Variants in ACOT9 observed in about 807,000 individuals in gnomAD.
ACOT9 encodes acyl-CoA thioesterase 9.
A neutral mutation model predicts 39.7 loss-of-function variants in ACOT9; 34 were observed. The observed-to-expected ratio is 0.86, with a 90% CI of 0.65 to 1.14. ACOT9 has a LOEUF of 1.14. Ranked by LOEUF, ACOT9 falls within the 50% of genes most tolerant of loss-of-function variation. The pLI is 0.00. For synonymous variants in ACOT9, 110 were observed against 120.5 expected, an observed-to-expected ratio of 0.91 and a Z score of 0.57; for missense variants, 313 against 344.1, an observed-to-expected ratio of 0.91 and a Z score of 0.71.
At chrX:23,734,770 GA>G in intron 2 of ACOT9, among the ~76,000 whole-genome samples, 1 of 109,901 alleles carries the variant, frequency 9.1e-6, no homozygotes, top group South Asian at 3.8e-4. Flanking sequence ...GGTGAATCAT[GA>G]GGTCAGGAGT....
chrX:23,739,831 T>C (rs780407230), intron 1 of ACOT9, among the ~76,000 whole-genome samples: 1 of 110,280 alleles, frequency 9.1e-6, no homozygotes, highest in Non-Finnish European at 1.9e-5. Flanking sequence ...AGCCAGGCAC[T>C]ATCACGGACC....
intron 1 of ACOT9, among the ~76,000 whole-genome samples, chrX:23,737,918 G>T (rs1199365194): frequency 9.7e-6 from 1 of 103,456 alleles, no homozygotes; most frequent in Non-Finnish European, 2.0e-5. Context: ...GCCCAGGCTG[G>T]AGTGCAGTGG....
At chrX:23,706,902 T>C in intron 10 of ACOT9, 163 bp from the exon 11 acceptor site, 1 of 405,720 alleles carries the variant, frequency 2.5e-6, no homozygotes. Context: ...TGGTTCCACA[T>C]GGAAATTATA....
rs940501224 is a variant in ACOT9 at position 23,703,029 on chromosome X, C to T, written c.*865G>A. On this transcript the variant is annotated 3_prime_UTR_variant, in exon 16 of 16. Transcript: ENST00000379303. The stretch of plus-strand genomic sequence containing the variant: ...TCCTGTATTTCCTTATCTAGATCAT[C>T]TCTAAACACCTTCTAATGGTATGGT... 2 of 112,392 alleles carry T rather than the reference C, an allele frequency of 1.8e-5. No homozygotes were observed. The highest frequency in any genetic ancestry group is 3.8e-5 in the Non-Finnish European group (2 of 53,318). 9.3% of individuals were successfully genotyped at this position (112,392 alleles called of 1,213,427 possible).
At chrX:23,719,249 G>A (rs1929202978) in intron 8 of ACOT9, among the ~76,000 whole-genome samples, 1 of 112,052 alleles carries the variant, frequency 8.9e-6, no homozygotes, top group South Asian at 3.7e-4. Context: ...CAGCCTGGGA[G>A]ACAGAGTGAC....
chrX:23,730,340 G>C (rs977738699), intron 6 of ACOT9, among the ~76,000 whole-genome samples, 187 bp downstream of exon 6: 2 of 110,391 alleles, frequency 1.8e-5, no homozygotes, highest in Non-Finnish European at 3.8e-5. Flanking sequence ...TGATCCGCCC[G>C]CCTCAGCCTC....
intron 9 of ACOT9, 106 bp from the exon 10 acceptor site, chrX:23,708,050 G>A (rs1184463867): frequency 1.4e-6 from 1 of 716,271 alleles, no homozygotes; most frequent in Non-Finnish European, 2.0e-6. Context: ...TTTTCATTTT[G>A]GGTAGTGCTT....
intron 7 of ACOT9, 50 bp from the exon 8 acceptor site, chrX:23,722,034 T>G: frequency 1.1e-6 from 1 of 896,537 alleles, no homozygotes; most frequent in Non-Finnish European, 1.6e-6. Context: ...AAATTTTCTG[T>G]TCTGTAAATA....
rs1225854366 is a variant in ACOT9 at position 23,721,976 on chromosome X, T to C, written c.493A>G (p.Lys165Glu). Residue 165 changes from lysine to glutamate, a missense_variant, in exon 8 of 16, where the codon AAG (lysine) becomes GAG (glutamate). Coordinates refer to ENST00000379303, the MANE Select transcript of ACOT9 (RefSeq NM_001037171.2). ...TALVDKIDMC[K>E]KSLSPEQDIK... ...TCCTGTTCTGGGCTCAAGCTCTTCT[T>C]ACACATATCTGCAAAACAGAAGTCA... The C allele has an allele frequency of 2.5e-6, 3 of 1,203,379 alleles. No homozygotes were observed. The highest frequency in any genetic ancestry group is 3.4e-6 in the Non-Finnish European group (3 of 890,212).
At chrX:23,714,985 G>T (rs1448944359) in intron 8 of ACOT9, among the ~76,000 whole-genome samples, 1 of 111,305 alleles carries the variant, frequency 9.0e-6, no homozygotes. Flanking sequence ...AATGACAGAA[G>T]TTATTTATAA....
chrX:23,730,239 G>A (rs1569196883), intron 6 of ACOT9, among the ~76,000 whole-genome samples: 1 of 107,983 alleles, frequency 9.3e-6, no homozygotes, highest in East Asian at 2.9e-4. Context: ...GGATTACGGC[G>A]CCCACCAACA....
At position 23,701,409 on chromosome X, in the gene ACOT9, C is replaced by T. The variant is rs1300415861; in HGVS notation, c.*2485G>A. Among the ~76,000 whole-genome samples, 2 of 111,372 alleles carry T rather than the reference C, an allele frequency of 1.8e-5. No individual in the cohort carries two copies. Among genetic ancestry groups the T allele is most frequent in the Non-Finnish European group, 3.8e-5 (2 of 53,115 alleles). On this transcript the variant is annotated 3_prime_UTR_variant, in exon 16 of 16. Transcript: ENST00000379303. ...CATGCTTCCAAGAGATAGTTGTGTT[C>T]GCTCCTGTGACTATTTCATGCCAGA...
At position 23,705,073 on chromosome X, in the gene ACOT9, G is replaced by A. The variant is rs767212027; in HGVS notation, c.1027C>T (p.Arg343Ter). The stretch of plus-strand genomic sequence containing the variant: ...TCATCTACTGCTACCACAAACGGTC[G>A]AGAACCACTGTTGGGGGAAAGGACA... ...WATACSFGGS[R>*]PFVVAVDDIM... The change falls in exon 14 of 16, where the codon CGA becomes TGA. Residue 343 changes from arginine to a stop codon, truncating the protein, a stop_gained. Transcript: ENST00000379303. LOFTEE classifies it high-confidence loss of function. The A allele has an allele frequency of 5.8e-6, 7 of 1,209,599 alleles. No homozygotes were observed. The highest frequency in any genetic ancestry group is 3.0e-5 in the East Asian group (1 of 33,839).
rs567506307 is a variant in ACOT9 at position 23,708,538 on chromosome X, GA to G, written c.663-595del. 9.0e-3 allele frequency among the ~76,000 whole-genome samples: 639 copies of G among 70,819 alleles called. 2 individuals are homozygous for G. The highest frequency in any genetic ancestry group is 0.029 in the African/African-American group (513 of 17,777). 61.5% of individuals were successfully genotyped at this position (70,819 alleles called of 115,157 possible). A position where few individuals can be genotyped will look rare whatever the true frequency, so the allele number is the denominator to read the frequency against. On this transcript the variant is annotated intron_variant, in intron 9 of 15. Transcript: ENST00000379303. ...AGAGCGAAACTCTGTCTCAAAAAAA[GA>G]AAAAAAAAAAAAAAAGAAAAAGAAA...
chrX:23,739,846 C>G (rs1353248443), intron 1 of ACOT9, among the ~76,000 whole-genome samples: 2 of 109,957 alleles, frequency 1.8e-5, no homozygotes, highest in African/African-American at 6.6e-5. Context: ...CGGACCACTG[C>G]CAAACATAGA....
chrX:23,731,074 A>G, intron 4 of ACOT9, 88 bp from the exon 5 acceptor site: 1 of 803,910 alleles, frequency 1.2e-6, no homozygotes, highest in Non-Finnish European at 1.7e-6. Context: ...ATACCATCAA[A>G]GGAGGAAAAA....
At chrX:23,707,771 G>T (rs1451459339) in intron 10 of ACOT9, 106 bp downstream of exon 10, 9 of 507,229 alleles carry the variant, frequency 1.8e-5, no homozygotes, top group Non-Finnish European at 2.7e-5. Flanking sequence ...ACAAAAAAAA[G>T]ACATTTGACT....
Position 23,703,608 on chromosome X carries a change from A to G in ACOT9, c.*286T>C, listed in dbSNP as rs1239660393. 2.8e-5 allele frequency: 6 copies of G among 211,760 alleles called. No homozygotes were observed. Among genetic ancestry groups the G allele is most frequent in the East Asian group, 1.1e-4 (1 of 9,375 alleles). The allele number at this position is 211,760 out of a possible 1,213,427, so 17.5% of individuals were successfully genotyped here. On this transcript the variant is annotated 3_prime_UTR_variant, in exon 16 of 16. Coordinates refer to ENST00000379303, the MANE Select transcript of ACOT9 (RefSeq NM_001037171.2). ...GCTGGGATTATAGGCATGAGCCACC[A>G]CGCCCAGCCTCTCAATTTTTTTGTT...
At chrX:23,739,035 A>G (rs1028569650) in intron 1 of ACOT9, among the ~76,000 whole-genome samples, 3 of 111,880 alleles carry the variant, frequency 2.7e-5, no homozygotes, top group Admixed American at 9.5e-5. Context: ...AGGCAGGCGT[A>G]TCACTTGAGG....
Sources: allele counts gnomAD v4.1 joint callset (sites outside exome capture counted in the v4.1 genomes callset), GRCh38; gene constraint gnomAD v4.1.1; transcripts MANE v1.5; gene names NCBI Gene and HGNC (gene_info 2026-07-23, HGNC 2026-07-21).